Variants in SLC4A9 observed in about 807,000 individuals in gnomAD.
The protein encoded by SLC4A9 is solute carrier family 4 member 9, also known as anion exchange protein 4.
A neutral mutation model predicts 103.2 loss-of-function variants in SLC4A9; 102 were observed. The observed-to-expected ratio is 0.99, with a 90% CI of 0.84 to 1.17. The LOEUF (loss-of-function observed/expected upper bound fraction) is 1.17. SLC4A9 is among the 50% of genes most tolerant of loss of function. The pLI, the probability that SLC4A9 is intolerant of heterozygous loss-of-function variation, is 0.00. For missense variants in SLC4A9, 1,091 were observed against 1,193.7 expected, an observed-to-expected ratio of 0.91 and a Z score of 1.27; for synonymous variants, 453 against 483.6, an observed-to-expected ratio of 0.94 and a Z score of 0.83.
chr5:140,365,052 C>T (rs995017370), intron 11 of SLC4A9, among the ~76,000 whole-genome samples: 6 of 152,208 alleles, frequency 3.9e-5, no homozygotes, highest in Admixed American at 1.3e-4. Flanking sequence ...CTGAAATCAC[C>T]AATCAAATAT....
At chr5:140,370,817 AG>A in intron 17 of SLC4A9, 1 of 438,756 alleles carries the variant, frequency 2.3e-6, no homozygotes, top group Non-Finnish European at 4.2e-6. Flanking sequence ...GAAATGTGAT[AG>A]ATAAGATTGG....
chr5:140,372,433 T>C, intron 20 of SLC4A9, 36 bp downstream of exon 20: 1 of 1,599,930 alleles, frequency 6.3e-7, no homozygotes, highest in Non-Finnish European at 8.5e-7. Flanking sequence ...GGAGAATGTG[T>C]CAGGGTTTGG....
chr5:140,361,442 G>T, intron 3 of SLC4A9, 75 bp downstream of exon 3: 1 of 1,233,732 alleles, frequency 8.1e-7, no homozygotes, highest in Middle Eastern at 2.2e-4. Flanking sequence ...CACCTTCCAG[G>T]GCTAGAAGTA....
At chr5:140,368,145 C>G (rs770259991) in intron 16 of SLC4A9, among the ~76,000 whole-genome samples, 2 of 152,116 alleles carry the variant, frequency 1.3e-5, no homozygotes, top group Non-Finnish European at 2.9e-5. Flanking sequence ...GCAGCCAGGG[C>G]TGAAGTGGAG....
intron 6 of SLC4A9, 73 bp downstream of exon 6, chr5:140,362,605 T>C (rs1023217436): frequency 7.1e-7 from 1 of 1,400,694 alleles, no homozygotes; most frequent in Non-Finnish European, 1.0e-6. Context: ...CATGCATACA[T>C]GCATGGGCTC....
At position 140,362,595 on chromosome 5, in the gene SLC4A9, CAT is replaced by C. The variant is rs1767264636; in HGVS notation, c.807+64_807+65del. On this transcript the variant is annotated intron_variant, in intron 6 of 21. Transcript: ENST00000506757. ...GTGCATGCCTGTGTGTGTGTGCACA[CAT>C]GCATACATGCATGGGCTCATGTGAG... 8 of 1,434,428 alleles carry C rather than the reference CAT, an allele frequency of 5.6e-6. No individual in the cohort carries two copies. In the East Asian group the frequency reaches 1.8e-4, roughly 33 times the overall value. The allele number at this position is 1,434,428 out of a possible 1,614,324, so 88.9% of individuals were successfully genotyped here.
At position 140,362,167 on chromosome 5, in the gene SLC4A9, C is replaced by A. The variant is rs1230773536; in HGVS notation, c.712C>A (p.Pro238Thr). The part of the protein sequence containing the change: ...VLGSLTEVSL[P>T]SRFFCLLLGP... Reference sequence around the variant, plus strand: ...GGGGTCCCTTACTGAGGTGTCCCTCCCAAGCAGGTGAGGCTACTGAGTGAG... The same window carrying A: ...GGGGTCCCTTACTGAGGTGTCCCTCACAAGCAGGTGAGGCTACTGAGTGAG... Residue 238 changes from proline (P) to threonine (T), a missense_variant, in exon 5 of 22, where the codon CCA becomes ACA. Transcript: ENST00000506757. The A allele has an allele frequency of 6.5e-7, 1 of 1,535,954 alleles. No homozygotes were observed. The highest frequency in any genetic ancestry group is 8.7e-7 in the Non-Finnish European group (1 of 1,148,534).
chr5:140,361,126 G>A, intron 2 of SLC4A9, 128 bp from the exon 3 acceptor site: 1 of 1,183,722 alleles, frequency 8.4e-7, no homozygotes, highest in South Asian at 1.5e-5. Flanking sequence ...GCAGGGTGGA[G>A]GAGCAAGTTC....
Position 140,367,858 on chromosome 5 carries a change from G to A in SLC4A9, c.2314G>A (p.Ala772Thr), listed in dbSNP as rs374734178. 7 of 1,613,866 alleles carry A rather than the reference G, an allele frequency of 4.3e-6. No individual in the cohort carries two copies. Among genetic ancestry groups the A allele is most frequent in the African/African-American group, 1.3e-5 (1 of 74,940 alleles). The change falls in exon 16 of 22, where the codon GCC becomes ACC. Residue 772 changes from alanine to threonine, a missense_variant. By Grantham distance (58) the Ala-to-Thr change is moderately conservative. Coordinates refer to ENST00000506757, the MANE Select transcript of SLC4A9 (RefSeq NM_031467.3). ...GGACAGTCTTCGGAGAGAGAGCAGA[G>A]CCTGTGCCCCCGGGGAGCGCCCCAA... ...HMDSLRRESR[A>T]CAPGERPNFL...
At chr5:140,372,707 A>G (rs749129477) in intron 20 of SLC4A9, 38 bp from the exon 21 acceptor site, 3 of 1,513,008 alleles carry the variant, frequency 2.0e-6, no homozygotes, top group Non-Finnish European at 2.7e-6. Context: ...CTGTCTTTCT[A>G]TCTATTCTCA....
At chr5:140,362,344 T>TG (rs1767211648) in intron 5 of SLC4A9, 101 bp from the exon 6 acceptor site, 2 of 1,296,308 alleles carry the variant, frequency 1.5e-6, no homozygotes. Context: ...TGCAAATGAG[T>TG]GTGTTTATGG....
chr5:140,366,296 G>A, intron 14 of SLC4A9, 32 bp downstream of exon 14: 1 of 1,502,996 alleles, frequency 6.7e-7, no homozygotes, highest in Non-Finnish European at 9.0e-7. Flanking sequence ...TGGGGGACCA[G>A]AGGGGAAAGC....
At chr5:140,372,492 C>T (rs2126800293) in intron 20 of SLC4A9, 95 bp downstream of exon 20, 1 of 1,542,988 alleles carries the variant, frequency 6.5e-7, no homozygotes, top group Non-Finnish European at 8.7e-7. Flanking sequence ...CTCCAGTAAG[C>T]CCGCAGATCT....
rs768726065 is a variant in SLC4A9, at chr5:140,364,096, GCCT to G, written c.1298_1300del (p.Ala433_Phe434delinsVal). 51 of 1,584,824 alleles carry G rather than the reference GCCT, an allele frequency of 3.2e-5. No individual in the cohort carries two copies. The highest frequency in any genetic ancestry group is 4.2e-5 in the Non-Finnish European group (49 of 1,166,362). On this transcript the variant is annotated inframe_deletion, in exon 10 of 22. Coordinates refer to ENST00000506757, the MANE Select transcript of SLC4A9 (RefSeq NM_031467.3). ...CCTGGGCACAGCAGTGGCTGGAGCT[GCCT>G]TCTGCCTGATGGCAGGCCAGCCCCT...
chr5:140,362,628 G>A (rs926805029), intron 6 of SLC4A9, 96 bp downstream of exon 6: 16 of 1,258,710 alleles, frequency 1.3e-5, no homozygotes, highest in Non-Finnish European at 1.9e-5. Flanking sequence ...GTGAGTGTGT[G>A]TGTGTGGACT....
Position 140,363,115 on chromosome 5 carries a change from G to A in SLC4A9, c.962+49G>A. 6.3e-7 allele frequency: 1 copy of A among 1,590,068 alleles called. No individual in the cohort carries two copies. The highest frequency in any genetic ancestry group is 2.2e-5 in the East Asian group (1 of 44,720). On this transcript the variant is annotated intron_variant, in intron 7 of 21. Coordinates refer to ENST00000506757, the MANE Select transcript of SLC4A9 (RefSeq NM_031467.3). The surrounding 1 kb of genome is among the most constrained non-coding windows in gnomAD (Gnocchi z 4.5). ...ACAGATTCCTGCCCATATAGGCCCT[G>A]GGTCTAATTCCATTGTTGAGGAGGG...
intron 13 of SLC4A9, 22 bp from the exon 14 acceptor site, chr5:140,366,129 C>A (rs1767849598): frequency 6.2e-7 from 1 of 1,610,708 alleles, no homozygotes. Context: ...CTGGACCTGA[C>A]TGAGTGTCCA....
rs769429469 is a variant in SLC4A9 at position 140,364,493 on chromosome 5, T to G, written c.1519T>G (p.Phe507Val). The G allele has an allele frequency of 1.9e-6, 3 of 1,612,306 alleles. No homozygotes were observed. Among genetic ancestry groups the G allele is most frequent in the Admixed American group, 1.7e-5 (1 of 59,610 alleles). The change falls in exon 11 of 22, where the codon TTC (phenylalanine) becomes GTC (valine). Residue 507 changes from phenylalanine (F) to valine (V), a missense_variant. By Grantham distance (50) the Phe-to-Val change is conservative. Transcript: ENST00000506757. ...RYFTRFTEEG[F>V]CALISLIFIY... ...CTTCACCCGCTTCACTGAGGAAGGT[T>G]TCTGTGCCCTCATCAGCCTCATCTT... is the stretch of plus-strand genomic sequence containing the variant.
At position 140,372,324 on chromosome 5, in the gene SLC4A9, C is replaced by T. The variant is rs1768849949; in HGVS notation, c.2753C>T (p.Pro918Leu). ...CTCCTCTGGCTGGATGAGCTGATGC[C>T]AGAGGAGGAGAGAAGCATCCCTGAG... is the stretch of plus-strand genomic sequence containing the variant. ...QELLWLDELM[P>L]EEERSIPEKG... Residue 918 changes from proline to leucine, a missense_variant, in exon 20 of 22, where the codon CCA becomes CTA. Pro to Leu is a moderately conservative substitution (Grantham distance 98). Coordinates refer to ENST00000506757, the MANE Select transcript of SLC4A9 (RefSeq NM_031467.3). 2 of 1,609,812 alleles carry T rather than the reference C, an allele frequency of 1.2e-6. No individual in the cohort carries two copies. Among genetic ancestry groups the T allele is most frequent in the African/African-American group, 1.3e-5 (1 of 74,604 alleles).
Sources: gnomAD v4.1 joint callset for allele counts (sites outside exome capture counted in the v4.1 genomes callset) on GRCh38, gnomAD v4.1.1 for gene constraint, Gnocchi (gnomAD v3.1) non-coding constraint, MANE v1.5 for transcripts, NCBI Gene and HGNC (gene_info 2026-07-23, HGNC 2026-07-21) for gene names.